Variants in ANKS6 observed in about 807,000 individuals in gnomAD.
ANKS6 encodes the protein ankyrin repeat and sterile alpha motif domain containing 6, also known as ankyrin repeat and SAM domain-containing protein 6.
ANKS6 carries 47 observed loss-of-function variants against 77.9 expected under a neutral mutation model. The observed-to-expected ratio is 0.60, with a 90% CI of 0.48 to 0.77. ANKS6 has a LOEUF of 0.77. Among genes scored for constraint, ANKS6 ranks in the 30% least tolerant of loss-of-function variants. The pLI is 0.00. For missense variants in ANKS6, 1,150 were observed against 1,159.1 expected, an observed-to-expected ratio of 0.99 and a Z score of 0.11; for synonymous variants, 488 against 501.7, an observed-to-expected ratio of 0.97 and a Z score of 0.37.
chr9:98,735,643 G>A lies in ANKS6; in HGVS notation c.*876C>T. The A allele has an allele frequency of 8.1e-7, 1 of 1,231,742 alleles. No individual in the cohort carries two copies. The highest frequency in any genetic ancestry group is 1.0e-6 in the Non-Finnish European group (1 of 987,982). 76.3% of individuals were successfully genotyped at this position (1,231,742 alleles called of 1,614,324 possible). ...GTGCAGAAAGCCCTGCAGTGATACA[G>A]GTGAGCACTGTGGAGTACCAGAGCA... is the stretch of plus-strand genomic sequence containing the variant. On this transcript the variant is annotated 3_prime_UTR_variant, in exon 15 of 15. Transcript: ENST00000353234.
At position 98,734,909 on chromosome 9, in the gene ANKS6, G is replaced by C. The variant is rs1450754098; in HGVS notation, c.*1610C>G. On this transcript the variant is annotated 3_prime_UTR_variant, in exon 15 of 15. Transcript: ENST00000353234. Reference sequence around the variant, plus strand: ...GAAAGTTGGCTTCTGTGAGTGTAAGGCTGAGAGAATTTAAAGGAAAAACAC... The same window carrying C: ...GAAAGTTGGCTTCTGTGAGTGTAAGCCTGAGAGAATTTAAAGGAAAAACAC... 3.0e-6 allele frequency: 3 copies of C among 985,328 alleles called. No homozygotes were observed. The highest frequency in any genetic ancestry group is 1.7e-5 in the African/African-American group (1 of 57,228). 61.0% of individuals were successfully genotyped at this position (985,328 alleles called of 1,614,324 possible). A position where few individuals can be genotyped will look rare whatever the true frequency, so the allele number is the denominator to read the frequency against.
intron 5 of ANKS6, among the ~76,000 whole-genome samples, chr9:98,780,882 G>A (rs1447025225): frequency 6.6e-6 from 1 of 151,636 alleles, no homozygotes; most frequent in Non-Finnish European, 1.5e-5. Flanking sequence ...TATTAACAAT[G>A]CTTTTTCTTG....
chr9:98,752,367 G>A (rs1832477638), intron 12 of ANKS6, among the ~76,000 whole-genome samples: 1 of 152,150 alleles, frequency 6.6e-6, no homozygotes. Context: ...GAAGTGATTA[G>A]GAGGCTTAGG....
At chr9:98,740,643 G>A (rs988504443) in intron 14 of ANKS6, among the ~76,000 whole-genome samples, 3 of 152,154 alleles carry the variant, frequency 2.0e-5, no homozygotes, top group Non-Finnish European at 1.5e-5. Flanking sequence ...CAGGGTTCCG[G>A]CCCTCGCTGC....
rs945480087 is a variant in ANKS6, at chr9:98,735,347, C to A, written c.*1172G>T. The A allele has an allele frequency of 1.9e-6, 2 of 1,039,874 alleles. No homozygotes were observed. Among genetic ancestry groups the A allele is most frequent in the East Asian group, 1.6e-4 (2 of 12,872 alleles). 64.4% of individuals were successfully genotyped at this position (1,039,874 alleles called of 1,614,324 possible). ...CTGTATTGTGTCTGCACACTTGGCA[C>A]CTGGTAGCTAACATAAATGCAACAA... On this transcript the variant is annotated 3_prime_UTR_variant, in exon 15 of 15. Coordinates refer to ENST00000353234, the MANE Select transcript of ANKS6 (RefSeq NM_173551.5).
intron 5 of ANKS6, among the ~76,000 whole-genome samples, chr9:98,780,862 T>C (rs935843663): frequency 3.9e-5 from 6 of 152,010 alleles, no homozygotes; most frequent in Admixed American, 1.3e-4. Context: ...GAGAAGAAAC[T>C]ACTCCAAACT....
rs535024123 is a variant in ANKS6 at position 98,758,472 on chromosome 9, A to G, written c.2143-1869T>C. Among the ~76,000 whole-genome samples, 3 of 152,288 alleles carry G rather than the reference A, an allele frequency of 2.0e-5. No homozygotes were observed. The East Asian group carries it at 5.8e-4, about 29-fold the overall frequency. ...TTTCCAAGGTCCCTTTTATTAGAGAATGGTATTTAGAAACCAAAATCTGGG... is the reference window on the plus strand; with the variant it reads ...TTTCCAAGGTCCCTTTTATTAGAGAGTGGTATTTAGAAACCAAAATCTGGG... On this transcript the variant is annotated intron_variant, in intron 11 of 14. Transcript: ENST00000353234.
intron 12 of ANKS6, among the ~76,000 whole-genome samples, chr9:98,751,784 T>C (rs1371481621): frequency 2.0e-5 from 3 of 151,876 alleles, no homozygotes; most frequent in Non-Finnish European, 4.4e-5. Context: ...AAACAGACAA[T>C]AAGAAGGCTG....
At position 98,781,326 on chromosome 9, in the gene ANKS6, G is replaced by C. The variant is rs145693310; in HGVS notation, c.1220-989C>G. Among the ~76,000 whole-genome samples the C allele has an allele frequency of 7.0e-3, 1,062 of 152,280 alleles. 9 individuals are homozygous for C. Among genetic ancestry groups the C allele is most frequent in the African/African-American group, 0.024 (1,014 of 41,558 alleles). On this transcript the variant is annotated intron_variant, in intron 5 of 14. Transcript: ENST00000353234. ...GGAATAGACTGTTTTATTGGGAAAG[G>C]GAATAAACGGCAGTGGAGGCTAGGG... is the stretch of plus-strand genomic sequence containing the variant.
intron 11 of ANKS6, among the ~76,000 whole-genome samples, chr9:98,756,878 C>A (rs1832738157): frequency 6.6e-6 from 1 of 151,750 alleles, no homozygotes; most frequent in African/African-American, 2.4e-5. Flanking sequence ...CCCGCTCCCC[C>A]AATCCCAGTC....
intron 1 of ANKS6, among the ~76,000 whole-genome samples, chr9:98,793,428 G>A (rs1222259629): frequency 6.6e-6 from 1 of 152,158 alleles, no homozygotes; most frequent in Non-Finnish European, 1.5e-5. Context: ...TCCTTCCTAA[G>A]GTTTTGTATG....
At chr9:98,736,869 C>T (rs1214154717) in intron 14 of ANKS6, among the ~76,000 whole-genome samples, 2 of 152,164 alleles carry the variant, frequency 1.3e-5, no homozygotes, top group South Asian at 2.1e-4. Flanking sequence ...ACCCCAAACC[C>T]CTGGACAGAG....
chr9:98,761,681 T>C (rs899710919), intron 11 of ANKS6, among the ~76,000 whole-genome samples: 2 of 152,214 alleles, frequency 1.3e-5, no homozygotes, highest in Admixed American at 6.5e-5. Flanking sequence ...AAGACTACCC[T>C]TTCTCCACTG....
chr9:98,740,342 T>A (rs2131923549), intron 14 of ANKS6, among the ~76,000 whole-genome samples: 1 of 152,156 alleles, frequency 6.6e-6, no homozygotes, highest in African/African-American at 2.4e-5. Context: ...ATCAACACAA[T>A]CCAAAGGCTG....
chr9:98,752,091 CACAAACAAACAA>C (rs5899357), intron 12 of ANKS6, among the ~76,000 whole-genome samples: 1 of 151,190 alleles, frequency 6.6e-6, no homozygotes, highest in Non-Finnish European at 1.5e-5. Context: ...AAGACCCTGT[CACAAACAAACAA>C]ACAAACAAAC....
At chr9:98,771,069 G>T in intron 9 of ANKS6, 23 bp from the exon 10 acceptor site, 1 of 1,499,696 alleles carries the variant, frequency 6.7e-7, no homozygotes, top group Non-Finnish European at 8.9e-7. Flanking sequence ...GGCAGGTGCA[G>T]CACTTAGGGA....
chr9:98,777,477 C>T lies in ANKS6; in HGVS notation c.1568-23G>A, dbSNP rs767134790. 7 of 1,613,272 alleles carry T rather than the reference C, an allele frequency of 4.3e-6. No homozygotes were observed. The African/African-American group carries it at 9.3e-5, about 22-fold the overall frequency. On this transcript the variant is annotated intron_variant, in intron 7 of 14. Transcript: ENST00000353234. ...GACCTGAGAGACAAATGGAAATTTC[C>T]TGAAATGACCCCTCCACGTGTCCAC...
intron 13 of ANKS6, among the ~76,000 whole-genome samples, chr9:98,747,009 C>A (rs1832170961): frequency 6.6e-6 from 1 of 152,194 alleles, no homozygotes; most frequent in Non-Finnish European, 1.5e-5. Context: ...GCCAGGGGAC[C>A]TGGGCAGGTG....
Position 98,775,528 on chromosome 9 carries a change from G to A in ANKS6, c.1618-1448C>T, listed in dbSNP as rs376133593. Reference sequence around the variant, plus strand: ...ATTGGATTCAACACAATATGGGAAAGATACTAACAGTGCCAACCTCAGGAA... The same window carrying A: ...ATTGGATTCAACACAATATGGGAAAAATACTAACAGTGCCAACCTCAGGAA... On this transcript the variant is annotated intron_variant, in intron 8 of 14. Transcript: ENST00000353234. Among the ~76,000 whole-genome samples, 4 of 152,186 alleles carry A rather than the reference G, an allele frequency of 2.6e-5. No individual in the cohort carries two copies. In the East Asian group the frequency reaches 7.7e-4, roughly 29 times the overall value.
Sources: gnomAD v4.1 joint callset for allele counts (sites outside exome capture counted in the v4.1 genomes callset) on GRCh38, gnomAD v4.1.1 for gene constraint, MANE v1.5 for transcripts, NCBI Gene and HGNC (gene_info 2026-07-23, HGNC 2026-07-21) for gene names.